TCF4: variants seen among roughly 807,000 people sequenced by gnomAD.
The protein encoded by TCF4 is SL3-3 enhancer factor 2.
TCF4 carries 3 observed loss-of-function variants against 82.1 expected under a neutral mutation model. That is an observed-to-expected ratio of 0.04 (90% CI 0.02 to 0.09). TCF4 has a LOEUF of 0.09. Ranked by LOEUF, TCF4 falls within the 10% of genes least tolerant of loss-of-function variation. The pLI is 1.00. For missense variants in TCF4, 518 were observed against 852.7 expected, an observed-to-expected ratio of 0.61 and a Z score of 4.89; for synonymous variants, 276 against 309.6, an observed-to-expected ratio of 0.89 and a Z score of 1.14.
intron 5 of TCF4, among the ~76,000 whole-genome samples, chr18:55,409,051 G>A (rs750587204): frequency 1.7e-4 from 26 of 152,048 alleles, no homozygotes; most frequent in Admixed American, 3.9e-4. Context: ...CACCATCTCC[G>A]CACATTAACA....
chr18:55,522,439 G>T (rs2096940757), intron 3 of TCF4, among the ~76,000 whole-genome samples: 1 of 152,086 alleles, frequency 6.6e-6, no homozygotes, highest in African/African-American at 2.4e-5. Context: ...AAAAATACAA[G>T]TGGAGTCTAG....
intron 8 of TCF4, among the ~76,000 whole-genome samples, chr18:55,320,189 T>C (rs955325778): frequency 6.6e-6 from 1 of 151,088 alleles, no homozygotes; most frequent in Admixed American, 6.6e-5. Flanking sequence ...CATGTACTTG[T>C]TAAAAAAAAA....
intron 8 of TCF4, among the ~76,000 whole-genome samples, chr18:55,341,334 T>A (rs2079909981): frequency 6.6e-6 from 1 of 152,146 alleles, no homozygotes; most frequent in South Asian, 2.1e-4. Context: ...GTAGTACCCA[T>A]CTCACAGGAT....
At chr18:55,239,749 C>A (rs1487536492) in intron 15 of TCF4, among the ~76,000 whole-genome samples, 1 of 152,168 alleles carries the variant, frequency 6.6e-6, no homozygotes, top group East Asian at 1.9e-4. Flanking sequence ...TGGCTGTTGG[C>A]AAGGCTGTTT....
At chr18:55,390,286 T>TAAAAAAA (rs56965997) in intron 6 of TCF4, among the ~76,000 whole-genome samples, 3 of 82,230 alleles carry the variant, frequency 3.6e-5, no homozygotes, top group African/African-American at 1.0e-4. Flanking sequence ...CCCTGACTCT[T>TAAAAAAA]AAAAAAAAAA....
intron 8 of TCF4, among the ~76,000 whole-genome samples, chr18:55,309,916 A>G (rs1314294069): frequency 1.3e-5 from 2 of 152,248 alleles, no homozygotes; most frequent in Non-Finnish European, 2.9e-5. Flanking sequence ...TGATTTAAAA[A>G]AATTACCATC....
intron 2 of TCF4, among the ~76,000 whole-genome samples, chr18:55,621,811 ATAT>A (rs1176445702): frequency 4.4e-5 from 4 of 90,224 alleles, no homozygotes; most frequent in African/African-American, 1.3e-4. Flanking sequence ...GTTATATTAT[ATAT>A]TATATTATAT....
rs1352032309 is a variant in TCF4 at position 55,261,175 on chromosome 18, A to G, written c.990+291T>C. 1.0e-5 allele frequency: 4 copies of G among 396,822 alleles called. No homozygotes were observed. The East Asian group carries it at 2.0e-4, about 20-fold the overall frequency. 24.6% of individuals were successfully genotyped at this position (396,822 alleles called of 1,614,324 possible). On this transcript the variant is annotated intron_variant, in intron 12 of 19. Transcript: ENST00000354452. Reference sequence around the variant, plus strand: ...AATGTGCACCCATATTACTTTAGAGAAAAATAAGACATCAGTATAAAAAAC... The same window carrying G: ...AATGTGCACCCATATTACTTTAGAGGAAAATAAGACATCAGTATAAAAAAC...
At chr18:55,370,369 G>A (rs1048311505) in intron 6 of TCF4, among the ~76,000 whole-genome samples, 2 of 152,208 alleles carry the variant, frequency 1.3e-5, no homozygotes, top group South Asian at 2.1e-4. Context: ...TTGCACCACT[G>A]CTCCAGCCTG....
At chr18:55,253,468 C>T (rs1001635854) in intron 15 of TCF4, among the ~76,000 whole-genome samples, 14 of 152,104 alleles carry the variant, frequency 9.2e-5, no homozygotes, top group Non-Finnish European at 1.8e-4. Flanking sequence ...GTTACATTCT[C>T]CACCACTCTG....
chr18:55,575,859 T>C (rs2097524117), intron 3 of TCF4, among the ~76,000 whole-genome samples: 1 of 152,240 alleles, frequency 6.6e-6, no homozygotes, highest in South Asian at 2.1e-4. Flanking sequence ...TTTTTACAAA[T>C]ATTACATTAG....
intron 1 of TCF4, among the ~76,000 whole-genome samples, chr18:55,634,579 T>C (rs1293169538): frequency 1.3e-5 from 2 of 152,156 alleles, no homozygotes; most frequent in African/African-American, 2.4e-5. Flanking sequence ...GAAAGATAGT[T>C]TGGGCCATAC....
At chr18:55,319,516 AT>A (rs1211074313) in intron 8 of TCF4, among the ~76,000 whole-genome samples, 1 of 151,830 alleles carries the variant, frequency 6.6e-6, no homozygotes, top group Non-Finnish European at 1.5e-5. Context: ...CCAAATGGCT[AT>A]TTTTTTTCTA....
chr18:55,467,364 C>G (rs1449642514), intron 3 of TCF4, among the ~76,000 whole-genome samples: 2 of 152,114 alleles, frequency 1.3e-5, no homozygotes, highest in African/African-American at 4.8e-5. Context: ...AAAGTGTATC[C>G]GCCACCTGAA....
chr18:55,327,001 C>T (rs1044094775), intron 8 of TCF4, among the ~76,000 whole-genome samples: 15 of 151,980 alleles, frequency 9.9e-5, no homozygotes, highest in African/African-American at 3.6e-4. Context: ...GACAGACAGA[C>T]ACACACACAC....
intron 5 of TCF4, among the ~76,000 whole-genome samples, chr18:55,426,585 G>GA (rs749198821): frequency 1.3e-5 from 2 of 152,046 alleles, no homozygotes; most frequent in African/African-American, 2.4e-5. Context: ...TTGCCATTTA[G>GA]AAAAACTCTG....
At chr18:55,234,322 T>C in intron 16 of TCF4, 1 of 634,426 alleles carries the variant, frequency 1.6e-6, no homozygotes, top group South Asian at 2.0e-5. Flanking sequence ...TCCCTGCTGA[T>C]ATAGGACCAG....
At chr18:55,234,451 C>T in intron 16 of TCF4, 97 bp downstream of exon 16, 2 of 1,546,628 alleles carry the variant, frequency 1.3e-6, no homozygotes, top group Non-Finnish European at 1.8e-6. Context: ...TGGGTTTCTG[C>T]CAGTGCTTCT....
chr18:55,574,862 A>T (rs1303382771), intron 3 of TCF4, among the ~76,000 whole-genome samples: 2 of 152,346 alleles, frequency 1.3e-5, no homozygotes, highest in African/African-American at 4.8e-5. Context: ...AAGTAAATTA[A>T]AGGTAATAAT....
Sources: allele counts gnomAD v4.1 joint callset (sites outside exome capture counted in the v4.1 genomes callset), GRCh38; gene constraint gnomAD v4.1.1; transcripts MANE v1.5; gene names NCBI Gene and HGNC (gene_info 2026-07-23, HGNC 2026-07-21).